CENPP: variants seen among roughly 807,000 people sequenced by gnomAD.
CENPP encodes centromere protein P.
CENPP carries 24 observed loss-of-function variants against 35.6 expected under a neutral mutation model. The ratio of observed to expected loss-of-function variants is 0.67; its 90% CI spans 0.49 to 0.95. The LOEUF is 0.95. Ranked by LOEUF, CENPP falls within the 40% of genes least tolerant of loss-of-function variation. CENPP has a pLI of 0.00. For synonymous variants in CENPP, 120 were observed against 125.5 expected (o/e 0.96, Z 0.29); for missense variants, 332 against 345.3 (o/e 0.96, Z 0.31).
intron 5 of CENPP, among the ~76,000 whole-genome samples, chr9:92,394,436 A>G (rs1168711948): frequency 2.1e-5 from 3 of 143,342 alleles, no homozygotes; most frequent in Admixed American, 7.1e-5. Context: ...AATTTTTAGT[A>G]TAGACAAGGT....
At chr9:92,369,391 G>T (rs76453444) in intron 4 of CENPP, among the ~76,000 whole-genome samples, 1 of 152,150 alleles carries the variant, frequency 6.6e-6, no homozygotes, top group African/African-American at 2.4e-5. Context: ...TGGCCCTGGG[G>T]TGATTACAGC....
intron 5 of CENPP, among the ~76,000 whole-genome samples, chr9:92,605,181 A>G (rs1168273348): frequency 1.3e-5 from 2 of 151,782 alleles, no homozygotes; most frequent in East Asian, 3.9e-4. Flanking sequence ...GGGTTACACC[A>G]TGAGACCATG....
intron 4 of CENPP, among the ~76,000 whole-genome samples, chr9:92,351,158 A>G (rs1841429609): frequency 6.6e-6 from 1 of 152,234 alleles, no homozygotes; most frequent in African/African-American, 2.4e-5. Flanking sequence ...TTGTACAACC[A>G]TCACCACTAT....
intron 5 of CENPP, among the ~76,000 whole-genome samples, chr9:92,553,429 C>T (rs1385710878): frequency 2.6e-5 from 4 of 151,992 alleles, no homozygotes; most frequent in African/African-American, 9.7e-5. Flanking sequence ...ATTGTTTTTT[C>T]TAATTCTGTG....
At chr9:92,439,028 T>C (rs1844317521) in intron 5 of CENPP, among the ~76,000 whole-genome samples, 6 of 152,242 alleles carry the variant, frequency 3.9e-5, no homozygotes, top group Admixed American at 3.9e-4. Context: ...TGCTTGGTGC[T>C]GTTCTTTTGT....
chr9:92,405,382 A>C (rs761936417), intron 5 of CENPP, among the ~76,000 whole-genome samples: 1 of 152,114 alleles, frequency 6.6e-6, no homozygotes, highest in Admixed American at 6.5e-5. Flanking sequence ...ACAAATATGG[A>C]TATATATTTT....
intron 5 of CENPP, among the ~76,000 whole-genome samples, chr9:92,497,734 C>A (rs117490527): frequency 0.033 from 4,948 of 151,832 alleles, 131 homozygotes; most frequent in South Asian, 0.084. Context: ...GAAATTTGAT[C>A]CCCAGTGTTG....
intron 5 of CENPP, among the ~76,000 whole-genome samples, chr9:92,512,813 T>TTTTATA (rs1341509838): frequency 6.6e-6 from 1 of 152,216 alleles, no homozygotes; most frequent in Non-Finnish European, 1.5e-5. Context: ...CATAACAGTG[T>TTTTATA]AGCTCAGCAT....
intron 5 of CENPP, among the ~76,000 whole-genome samples, chr9:92,386,685 T>C (rs115891247): frequency 0.015 from 2,335 of 152,268 alleles, 51 homozygotes; most frequent in African/African-American, 0.053. Context: ...CTCCTGTACC[T>C]CTGGAGTTTC....
At chr9:92,610,685 C>T (rs1419444964) in intron 5 of CENPP, 2 of 152,290 alleles carry the variant, frequency 1.3e-5, no homozygotes, top group Admixed American at 1.3e-4. Context: ...TGACTTTCAC[C>T]AAGGTAGGCC....
At chr9:92,464,906 A>C in intron 5 of CENPP, 1 of 1,538,120 alleles carries the variant, frequency 6.5e-7, no homozygotes, top group Non-Finnish European at 9.0e-7. Flanking sequence ...TCTTAGATAA[A>C]GTAAATACAA....
chr9:92,482,767 A>G (rs1181047206), intron 5 of CENPP, among the ~76,000 whole-genome samples: 1 of 152,230 alleles, frequency 6.6e-6, no homozygotes, highest in Non-Finnish European at 1.5e-5. Flanking sequence ...ACCTGTATAG[A>G]CTAATAAAAT....
At chr9:92,504,358 T>C (rs1163577736) in intron 5 of CENPP, among the ~76,000 whole-genome samples, 1 of 152,154 alleles carries the variant, frequency 6.6e-6, no homozygotes, top group African/African-American at 2.4e-5. Flanking sequence ...AAGATCACAA[T>C]AGATGACCCT....
intron 5 of CENPP, among the ~76,000 whole-genome samples, chr9:92,554,874 G>A (rs1849687980): frequency 6.6e-6 from 1 of 151,872 alleles, no homozygotes; most frequent in Non-Finnish European, 1.5e-5. Flanking sequence ...CTGACCTCGT[G>A]ATCCATCCGC....
chr9:92,375,332 G>C (rs1233836676), intron 4 of CENPP, among the ~76,000 whole-genome samples: 1 of 149,504 alleles, frequency 6.7e-6, no homozygotes, highest in Non-Finnish European at 1.5e-5. Context: ...TCACTCTATT[G>C]CCCAGGCTGG....
At chr9:92,556,788 T>C (rs956038803) in intron 5 of CENPP, among the ~76,000 whole-genome samples, 13 of 152,270 alleles carry the variant, frequency 8.5e-5, no homozygotes, top group African/African-American at 2.9e-4. Flanking sequence ...TTATCTACTC[T>C]GCTGTTGTGT....
chr9:92,440,275 C>T (rs1844352394), intron 5 of CENPP, among the ~76,000 whole-genome samples: 1 of 151,740 alleles, frequency 6.6e-6, no homozygotes, highest in Non-Finnish European at 1.5e-5. Context: ...TTCCCTGGGC[C>T]ACATTGGAAG....
intron 4 of CENPP, among the ~76,000 whole-genome samples, chr9:92,353,369 C>T (rs1165077715): frequency 2.0e-5 from 3 of 152,206 alleles, no homozygotes; most frequent in South Asian, 2.1e-4. Flanking sequence ...CCTGATGGAG[C>T]GACCCAAACC....
At chr9:92,554,737 A>G (rs1849684350) in intron 5 of CENPP, among the ~76,000 whole-genome samples, 1 of 152,086 alleles carries the variant, frequency 6.6e-6, no homozygotes, top group Non-Finnish European at 1.5e-5. Flanking sequence ...GCCCGGCTTC[A>G]AGCAAGTTTC....
Sources: allele counts gnomAD v4.1 joint callset (sites outside exome capture counted in the v4.1 genomes callset), GRCh38; gene constraint gnomAD v4.1.1; transcripts MANE v1.5; gene names NCBI Gene and HGNC (gene_info 2026-07-23, HGNC 2026-07-21).